The following KMT2E variants were observed in gnomAD, a reference collection of about 807,000 sequenced individuals.
The protein encoded by KMT2E is histone reader KMT2E.
In KMT2E, 30 loss-of-function variants were observed where a neutral mutation model predicts 184.6. The ratio of observed to expected loss-of-function variants is 0.16; its 90% CI spans 0.12 to 0.22. The LOEUF (loss-of-function observed/expected upper bound fraction) is 0.22, where lower values mean the gene tolerates loss of function less well. Ranked by LOEUF, KMT2E falls within the 10% of genes least tolerant of loss-of-function variation. KMT2E has a pLI of 1.00. For missense variants in KMT2E, 2,023 were observed against 2,237.4 expected (o/e 0.90, Z 1.93); for synonymous variants, 815 against 776.5 (o/e 1.05, Z -0.82).
chr7:105,102,141 A>C lies in KMT2E; in HGVS notation c.2143A>C (p.Thr715Pro). ...TGCACTAGCAGAAATAATTACTGAA[A>C]CTGAAGTTCCAGCACTTAATAAATG... ...ETALAEIITE[T>P]EVPALNKCPT... The change falls in exon 17 of 27, where the codon ACT becomes CCT. Residue 715 changes from threonine (T) to proline (P), a missense_variant. By Grantham distance (38) the Thr-to-Pro change is conservative. This residue lies in a region of KMT2E where 514 missense variants were observed against 621.8 expected (regional missense o/e 0.83). Transcript: ENST00000311117. The C allele has an allele frequency of 6.2e-7, 1 of 1,612,906 alleles. No individual in the cohort carries two copies. The highest frequency in any genetic ancestry group is 8.5e-7 in the Non-Finnish European group (1 of 1,179,344).
chr7:105,025,401 A>G (rs1226417046), intron 1 of KMT2E, among the ~76,000 whole-genome samples: 3 of 152,178 alleles, frequency 2.0e-5, no homozygotes, highest in African/African-American at 7.2e-5. Context: ...TTCTGGAAAA[A>G]AGTAAAAAAG....
intron 3 of KMT2E, among the ~76,000 whole-genome samples, chr7:105,061,423 G>A (rs1346871667): frequency 6.6e-6 from 1 of 152,160 alleles, no homozygotes; most frequent in East Asian, 1.9e-4. Context: ...AGTGTGAACT[G>A]ACCTCAGATG....
rs559518714 is a variant in KMT2E, at chr7:105,093,667, A to G, written c.1722+2353A>G. Among the ~76,000 whole-genome samples, 61 of 152,246 alleles carry G rather than the reference A, an allele frequency of 4.0e-4. 1 individual carries two copies. In the East Asian group the frequency reaches 0.012, roughly 29 times the overall value. ...CCATTGCACTCCAGCCTGGGCAACA[A>G]GAGCGAAACTCCATCTCCAAAAAAA... On this transcript the variant is annotated intron_variant, in intron 15 of 26. Coordinates refer to ENST00000311117, the MANE Select transcript of KMT2E (RefSeq NM_182931.3).
intron 1 of KMT2E, among the ~76,000 whole-genome samples, chr7:105,030,930 T>C (rs1420780756): frequency 6.6e-6 from 1 of 152,218 alleles, no homozygotes; most frequent in African/African-American, 2.4e-5. Context: ...TTATGCACGT[T>C]GTTTTTAGAG....
rs886215684 is a variant in KMT2E, at chr7:105,074,568, C to G, written c.557-75C>G. On this transcript the variant is annotated intron_variant, in intron 7 of 26. Transcript: ENST00000311117. ...AAAGATGGAGACGACAATACTTTGTCATATGGAATGCTGTTTTATTTCATT... is the reference window on the plus strand; with the variant it reads ...AAAGATGGAGACGACAATACTTTGTGATATGGAATGCTGTTTTATTTCATT... 149 of 1,105,324 alleles carry G rather than the reference C, an allele frequency of 1.3e-4. No homozygotes were observed. The African/African-American group carries it at 2.0e-3, about 15-fold the overall frequency. 68.5% of individuals were successfully genotyped at this position (1,105,324 alleles called of 1,614,324 possible).
chr7:105,026,094 A>G (rs1474721405), intron 1 of KMT2E, among the ~76,000 whole-genome samples: 1 of 152,184 alleles, frequency 6.6e-6, no homozygotes, highest in Non-Finnish European at 1.5e-5. Context: ...CAAGTACAGT[A>G]TTTAAGATAC....
intron 17 of KMT2E, 103 bp downstream of exon 17, chr7:105,102,297 G>C (rs35494387): frequency 0.052 from 47,166 of 915,476 alleles, 1,519 homozygotes; most frequent in Non-Finnish European, 0.062. Context: ...AATAATAAGA[G>C]GCAGTTTTTA....
At chr7:105,064,605 A>T (rs1287232914) in intron 5 of KMT2E, among the ~76,000 whole-genome samples, 1 of 152,108 alleles carries the variant, frequency 6.6e-6, no homozygotes, top group African/African-American at 2.4e-5. Context: ...TGGAATGTAA[A>T]ATTTGATATT....
intron 4 of KMT2E, among the ~76,000 whole-genome samples, chr7:105,062,539 G>A (rs1796861625): frequency 6.6e-6 from 1 of 151,982 alleles, no homozygotes; most frequent in Admixed American, 6.5e-5. Context: ...TGCAGATAAG[G>A]TTGTATTGTA....
At position 105,095,655 on chromosome 7, in the gene KMT2E, G is replaced by A. The variant is rs145584352; in HGVS notation, c.1722+4341G>A. On this transcript the variant is annotated intron_variant, in intron 15 of 26. Coordinates refer to ENST00000311117, the MANE Select transcript of KMT2E (RefSeq NM_182931.3). ...TTGTCTTTTTTATCCTTAAGAAGTC[G>A]TTACCTGCTTTTACAAAAGCAAATT... 1.2e-3 allele frequency among the ~76,000 whole-genome samples: 187 copies of A among 151,952 alleles called. No homozygotes were observed. In the South Asian group the frequency reaches 0.015, roughly 12 times the overall value.
rs534040923 is a variant in KMT2E, at chr7:105,098,553, G to T, written c.1723-2872G>T. 3.9e-5 allele frequency among the ~76,000 whole-genome samples: 6 copies of T among 152,100 alleles called. No individual in the cohort carries two copies. The South Asian group carries it at 1.2e-3, about 32-fold the overall frequency. On this transcript the variant is annotated intron_variant, in intron 15 of 26. Coordinates refer to ENST00000311117, the MANE Select transcript of KMT2E (RefSeq NM_182931.3). ...CCTGAGTAGCTGGGACTACAGGCGC[G>T]TGCCACACCTGGCTAATTTTTGTTT...
chr7:105,057,751 C>T (rs569764025), intron 3 of KMT2E, among the ~76,000 whole-genome samples: 2 of 152,256 alleles, frequency 1.3e-5, no homozygotes, highest in South Asian at 4.1e-4. Context: ...TGCGCCCAGC[C>T]TCTTAAGTAT....
chr7:105,017,619 A>G (rs1380203433), intron 1 of KMT2E, among the ~76,000 whole-genome samples: 1 of 151,868 alleles, frequency 6.6e-6, no homozygotes, highest in East Asian at 1.9e-4. Context: ...GTTAGGCATA[A>G]TTTTTGTTCC....
At chr7:105,072,829 G>A (rs924406106) in intron 6 of KMT2E, among the ~76,000 whole-genome samples, 2 of 151,878 alleles carry the variant, frequency 1.3e-5, no homozygotes, top group African/African-American at 4.8e-5. Flanking sequence ...GCAGGGAATC[G>A]CTTGAACCCA....
At chr7:105,035,490 C>G (rs1171888804) in intron 1 of KMT2E, among the ~76,000 whole-genome samples, 1 of 146,660 alleles carries the variant, frequency 6.8e-6, no homozygotes, top group African/African-American at 2.5e-5. Context: ...TTTTTTTTTT[C>G]CACTCAGCAT....
chr7:105,069,411 C>T (rs1306741350), intron 6 of KMT2E, among the ~76,000 whole-genome samples: 1 of 152,128 alleles, frequency 6.6e-6, no homozygotes, highest in Non-Finnish European at 1.5e-5. Flanking sequence ...ATATAATAGT[C>T]TTGGAGTAAC....
chr7:105,048,216 T>A (rs965865670), intron 3 of KMT2E, among the ~76,000 whole-genome samples: 2 of 152,128 alleles, frequency 1.3e-5, no homozygotes, highest in African/African-American at 4.8e-5. Flanking sequence ...TTGTATTTTT[T>A]TGTACAGATA....
chr7:105,113,022 C>G lies in KMT2E; in HGVS notation c.5266C>G (p.Pro1756Ala). ...TCCACTTTTTCCTTCGAGTGCTCATCCAACTGTACCACCGTATCCCTCACA... is the reference window on the plus strand; with the variant it reads ...TCCACTTTTTCCTTCGAGTGCTCATGCAACTGTACCACCGTATCCCTCACA... ...GPPLFPSSAH[P>A]TVPPYPSQAT... is the part of the protein sequence containing the mutation. The change falls in exon 27 of 27, where the codon CCA becomes GCA. Residue 1756 changes from proline (P) to alanine (A), a missense_variant. Physicochemically the swap from Pro to Ala is conservative, Grantham distance 27 (BLOSUM62 -1). Coordinates refer to ENST00000311117, the MANE Select transcript of KMT2E (RefSeq NM_182931.3). 6.2e-7 allele frequency: 1 copy of G among 1,614,110 alleles called. No homozygotes were observed. The highest frequency in any genetic ancestry group is 1.1e-5 in the South Asian group (1 of 91,078).
At chr7:105,032,027 C>G (rs1712970768) in intron 1 of KMT2E, among the ~76,000 whole-genome samples, 1 of 132,632 alleles carries the variant, frequency 7.5e-6, no homozygotes, top group African/African-American at 2.9e-5. Flanking sequence ...AATCACACTA[C>G]TGCACTCCAC....
Sources: gnomAD v4.1 joint callset for allele counts (sites outside exome capture counted in the v4.1 genomes callset) on GRCh38, gnomAD v4.1.1 for gene constraint, gnomAD v4.1.1 regional missense constraint, MANE v1.5 for transcripts, NCBI Gene and HGNC (gene_info 2026-07-23, HGNC 2026-07-21) for gene names.